DNAAF9: variants seen among roughly 807,000 people sequenced by gnomAD.
DNAAF9 encodes the protein shulin.
A neutral mutation model predicts 167.0 loss-of-function variants in DNAAF9; 90 were observed. The observed-to-expected ratio is 0.54, with a 90% confidence interval of 0.45 to 0.64. The LOEUF (loss-of-function observed/expected upper bound fraction) is 0.64, where lower values mean the gene tolerates loss of function less well. Ranked by LOEUF, DNAAF9 falls within the 30% of genes least tolerant of loss-of-function variation. DNAAF9 has a pLI of 0.00. For missense variants in DNAAF9, 1,315 were observed against 1,442.2 expected, an observed-to-expected ratio of 0.91 and a Z score of 1.43; for synonymous variants, 491 against 508.8, an observed-to-expected ratio of 0.96 and a Z score of 0.47.
At chr20:3,401,255 G>A (rs946046046) in intron 1 of DNAAF9, among the ~76,000 whole-genome samples, 1 of 151,982 alleles carries the variant, frequency 6.6e-6, no homozygotes, top group African/African-American at 2.4e-5. Context: ...GCCCAGGCTG[G>A]AGTGCAGTGG....
At chr20:3,401,988 C>T (rs1158213007) in intron 1 of DNAAF9, among the ~76,000 whole-genome samples, 1 of 152,182 alleles carries the variant, frequency 6.6e-6, no homozygotes, top group East Asian at 1.9e-4. Flanking sequence ...CCTCCAGTAG[C>T]TTCTTCATAA....
chr20:3,298,202 CA>C (rs780187748), intron 21 of DNAAF9, 27 bp from the exon 22 acceptor site: 1 of 1,599,472 alleles, frequency 6.3e-7, no homozygotes, highest in South Asian at 1.1e-5. Flanking sequence ...GGAGCATCAG[CA>C]AGAAGAGCAT....
intron 1 of DNAAF9, among the ~76,000 whole-genome samples, chr20:3,392,402 A>T (rs984168039): frequency 1.3e-5 from 2 of 152,258 alleles, no homozygotes; most frequent in Non-Finnish European, 2.9e-5. Context: ...TAGACATGAT[A>T]GATGACTGAT....
At chr20:3,269,208 CT>C (rs758519001) in intron 30 of DNAAF9, among the ~76,000 whole-genome samples, 28,035 of 137,770 alleles carry the variant, frequency 0.2, 2,813 homozygotes, top group African/African-American at 0.25. Context: ...CACCCGGCCA[CT>C]TTTTTTTTTT....
intron 16 of DNAAF9, 151 bp downstream of exon 16, chr20:3,322,066 C>T (rs913974709): frequency 3.2e-6 from 2 of 632,408 alleles, no homozygotes; most frequent in South Asian, 1.9e-5. Flanking sequence ...CACAGGCTCA[C>T]CCCTGCTATG....
At chr20:3,362,945 C>T (rs1197041121) in intron 6 of DNAAF9, among the ~76,000 whole-genome samples, 1 of 152,080 alleles carries the variant, frequency 6.6e-6, no homozygotes, top group Non-Finnish European at 1.5e-5. Context: ...AGGATTAATG[C>T]AGGCCAGGCA....
intron 6 of DNAAF9, chr20:3,362,037 G>A (rs1340718886): frequency 1.4e-6 from 2 of 1,468,842 alleles, no homozygotes; most frequent in Admixed American, 1.7e-5. Flanking sequence ...CACTCCATTA[G>A]AACTATTAAC....
At chr20:3,324,800 A>T (rs1156736732) in intron 14 of DNAAF9, 92 bp downstream of exon 14, 5 of 717,546 alleles carry the variant, frequency 7.0e-6, no homozygotes, top group Non-Finnish European at 1.2e-5. Flanking sequence ...ACATTTCTCA[A>T]AGGGGAGATG....
intron 20 of DNAAF9, among the ~76,000 whole-genome samples, chr20:3,310,033 A>C (rs1261985852): frequency 6.6e-6 from 1 of 152,020 alleles, no homozygotes; most frequent in African/African-American, 2.4e-5. Flanking sequence ...CCTCTACTAA[A>C]AACACAAAAT....
intron 13 of DNAAF9, among the ~76,000 whole-genome samples, chr20:3,325,710 CA>C (rs750526583): frequency 6.6e-6 from 1 of 152,078 alleles, no homozygotes; most frequent in Non-Finnish European, 1.5e-5. Flanking sequence ...AGGTTAACCG[CA>C]AAACAGCAAG....
chr20:3,343,446 T>A (rs531116038), intron 9 of DNAAF9, among the ~76,000 whole-genome samples: 29 of 152,240 alleles, frequency 1.9e-4, no homozygotes, highest in African/African-American at 6.5e-4. Context: ...CGCACCTGGC[T>A]GACAACAGTG....
At chr20:3,288,408 C>T (rs945144272) in intron 26 of DNAAF9, among the ~76,000 whole-genome samples, 68 of 152,310 alleles carry the variant, frequency 4.5e-4, no homozygotes, top group African/African-American at 1.6e-3. Flanking sequence ...TGAGATCGCA[C>T]CACTGCACTC....
intron 6 of DNAAF9, chr20:3,362,411 G>C: frequency 2.3e-6 from 1 of 437,196 alleles, no homozygotes; most frequent in South Asian, 7.1e-5. Flanking sequence ...TGCAGGCTAA[G>C]TACATTTTAC....
chr20:3,317,381 A>C (rs974199383), intron 17 of DNAAF9, among the ~76,000 whole-genome samples: 10 of 137,366 alleles, frequency 7.3e-5, no homozygotes, highest in African/African-American at 2.3e-4. Flanking sequence ...AAAAAAAAAA[A>C]CCCCAAAACC....
chr20:3,354,528 G>A (rs60168344), intron 7 of DNAAF9, among the ~76,000 whole-genome samples: 1 of 152,174 alleles, frequency 6.6e-6, no homozygotes, highest in Admixed American at 6.5e-5. Flanking sequence ...GGCAAGGACC[G>A]GCTTAAATAC....
chr20:3,388,058 A>G (rs1407073835), intron 1 of DNAAF9, among the ~76,000 whole-genome samples: 1 of 147,468 alleles, frequency 6.8e-6, no homozygotes, highest in Non-Finnish European at 1.5e-5. Context: ...ACAGAGCAAG[A>G]CTCTGTCTCA....
rs377209408 is a variant in DNAAF9 at position 3,336,766 on chromosome 20, G to A, written c.981+3738C>T. Among the ~76,000 whole-genome samples, 378 of 151,588 alleles carry A rather than the reference G, an allele frequency of 2.5e-3. 1 individual carries two copies. Among genetic ancestry groups the A allele is most frequent in the African/African-American group, 8.3e-3 (344 of 41,318 alleles). ...GGGGTTTCGCCATGTTGGCCAGGCT[G>A]GTCTTGAACTCCTGACCTCAGGTAA... On this transcript the variant is annotated intron_variant, in intron 10 of 36. Coordinates refer to ENST00000252032, the MANE Select transcript of DNAAF9 (RefSeq NM_001009984.3).
intron 7 of DNAAF9, among the ~76,000 whole-genome samples, chr20:3,353,932 T>C (rs527418536): frequency 7.9e-5 from 12 of 152,286 alleles, no homozygotes; most frequent in East Asian, 1.9e-4. Context: ...TAGAATAAGG[T>C]AGAATGAATC....
In DNAAF9 at chr20:3,309,583, T is replaced by A. The variant is rs565963992; in HGVS notation, c.1679-5040A>T. ...GCACTGCCGATCAGTGGGAAAACAA[T>A]GATTTTTCAATAACTTTGCTGAGAC... is the stretch of plus-strand genomic sequence containing the variant. On this transcript the variant is annotated intron_variant, in intron 20 of 36. Transcript: ENST00000252032. Among the ~76,000 whole-genome samples, 12 of 152,314 alleles carry A rather than the reference T, an allele frequency of 7.9e-5. No individual in the cohort carries two copies. The East Asian group carries it at 2.3e-3, about 29-fold the overall frequency.
Sources: gnomAD v4.1 joint callset for allele counts (sites outside exome capture counted in the v4.1 genomes callset) on GRCh38, gnomAD v4.1.1 for gene constraint, MANE v1.5 for transcripts, NCBI Gene and HGNC (gene_info 2026-07-23, HGNC 2026-07-21) for gene names.